The following NDUFAF6 variants were observed in gnomAD, a reference collection of about 807,000 sequenced individuals.
NDUFAF6 encodes NADH dehydrogenase (ubiquinone) complex I, assembly factor 6.
Under a neutral mutation model 40.8 loss-of-function variants are expected in NDUFAF6, and 45 were observed. The ratio of observed to expected loss-of-function variants is 1.10; its 90% CI spans 0.87 to 1.42. The LOEUF is 1.42. Ranked by LOEUF, NDUFAF6 falls within the 40% of genes most tolerant of loss-of-function variation. The pLI is 0.00. For synonymous variants in NDUFAF6, 185 were observed against 155.9 expected (o/e 1.19, Z -1.39); for missense variants, 435 against 418.5 (o/e 1.04, Z -0.34).
chr8:95,045,251 C>T (rs937241766), intron 4 of NDUFAF6, among the ~76,000 whole-genome samples: 1 of 151,904 alleles, frequency 6.6e-6, no homozygotes, highest in African/African-American at 2.4e-5. Flanking sequence ...TGTAAGAGCT[C>T]AGTAAAGTCA....
At chr8:95,096,169 G>C (rs1053422950), upstream of NDUFAF6, among the ~76,000 whole-genome samples, 1 of 152,152 alleles carries the variant, frequency 6.6e-6, no homozygotes, top group Non-Finnish European at 1.5e-5. Context: ...AGGATGCAAG[G>C]GTTCCCTTTA....
intron 2 of NDUFAF6, among the ~76,000 whole-genome samples, chr8:95,088,181 T>C (rs777064826): frequency 6.6e-6 from 1 of 152,150 alleles, no homozygotes; most frequent in Non-Finnish European, 1.5e-5. Flanking sequence ...AAGGACCAGG[T>C]GGCCACCTGG....
At chr8:94,983,069 C>T (rs1352119361) in intron 2 of NDUFAF6, among the ~76,000 whole-genome samples, 1 of 152,098 alleles carries the variant, frequency 6.6e-6, no homozygotes, top group Non-Finnish European at 1.5e-5. Flanking sequence ...GTAAAAATAA[C>T]ACTTTTTGCA....
At position 95,058,038 on chromosome 8, in the gene NDUFAF6, A is replaced by C; in HGVS notation, c.*101A>C. ...GGAAATGACTGTTAAGGAGAAAATG[A>C]ATTTATTGAATGGGATGTCAAGTAG... is the stretch of plus-strand genomic sequence containing the variant. On this transcript the variant is annotated 3_prime_UTR_variant, in exon 9 of 9. Transcript: ENST00000396124. 4 of 1,496,446 alleles carry C rather than the reference A, an allele frequency of 2.7e-6. No individual in the cohort carries two copies. The highest frequency in any genetic ancestry group is 3.6e-6 in the Non-Finnish European group (4 of 1,126,626). 92.7% of individuals were successfully genotyped at this position (1,496,446 alleles called of 1,614,324 possible).
At chr8:95,092,099 T>C (rs1809270294) in intron 2 of NDUFAF6, among the ~76,000 whole-genome samples, 2 of 151,938 alleles carry the variant, frequency 1.3e-5, no homozygotes, top group South Asian at 4.2e-4. Flanking sequence ...GCACTCCGAG[T>C]TTTGAGTCAC....
chr8:95,026,833 A>C (rs1349484176), intron 1 of NDUFAF6, among the ~76,000 whole-genome samples: 1 of 152,184 alleles, frequency 6.6e-6, no homozygotes, highest in Non-Finnish European at 1.5e-5. Context: ...GGGTTGCTTG[A>C]TGCCAGGAGT....
chr8:94,930,245 T>A lies in NDUFAF6; in HGVS notation c.-935-15238T>A, dbSNP rs1025194903. 4 of 537,036 alleles carry A rather than the reference T, an allele frequency of 7.4e-6. No homozygotes were observed. In the Admixed American group the frequency reaches 1.1e-4, roughly 14 times the overall value. 33.3% of individuals were successfully genotyped at this position (537,036 alleles called of 1,614,324 possible). Reference sequence around the variant, plus strand: ...CCCAAACACTGTAATTATATTGATATGTTTCCAGAAATAATCTGAAAAAGT... The same window carrying A: ...CCCAAACACTGTAATTATATTGATAAGTTTCCAGAAATAATCTGAAAAAGT... On this transcript the variant is annotated intron_variant, in intron 1 of 14. Transcript: ENST00000396113.
intron 2 of NDUFAF6, chr8:94,950,196 C>T (rs1417177522): frequency 6.6e-6 from 1 of 152,338 alleles, no homozygotes; most frequent in Non-Finnish European, 1.5e-5. Context: ...AACTTAGCCC[C>T]TCTGTTCTGT....
chr8:94,925,344 C>T (rs1819796446), intron 1 of NDUFAF6, among the ~76,000 whole-genome samples: 1 of 152,128 alleles, frequency 6.6e-6, no homozygotes, highest in African/African-American at 2.4e-5. Flanking sequence ...GCCATATTGT[C>T]CTAAAACACT....
intron 2 of NDUFAF6, among the ~76,000 whole-genome samples, chr8:95,033,044 AT>A (rs1157735087): frequency 6.6e-6 from 1 of 152,138 alleles, no homozygotes; most frequent in African/African-American, 2.4e-5. Flanking sequence ...AATGATTAAA[AT>A]TTAATTTTTT....
chr8:95,058,053 A>T lies in NDUFAF6; in HGVS notation c.*116A>T, dbSNP rs1040090826. ...GGAGAAAATGAATTTATTGAATGGG[A>T]TGTCAAGTAGCTCACAAAATTGAGA... is the stretch of plus-strand genomic sequence containing the variant. On this transcript the variant is annotated 3_prime_UTR_variant, in exon 9 of 9. Coordinates refer to ENST00000396124, the MANE Select transcript of NDUFAF6 (RefSeq NM_152416.4). The T allele has an allele frequency of 3.4e-5, 51 of 1,482,946 alleles. No individual in the cohort carries two copies. Among genetic ancestry groups the T allele is most frequent in the Non-Finnish European group, 4.4e-5 (49 of 1,123,176 alleles). 91.9% of individuals were successfully genotyped at this position (1,482,946 alleles called of 1,614,324 possible).
intron 2 of NDUFAF6, among the ~76,000 whole-genome samples, chr8:95,019,502 A>G (rs897938414): frequency 3.3e-5 from 5 of 152,240 alleles, no homozygotes; most frequent in African/African-American, 1.2e-4. Context: ...CATTAAATCT[A>G]TGGAACATTT....
At chr8:94,950,219 A>G (rs967940797) in intron 2 of NDUFAF6, 6 of 152,302 alleles carry the variant, frequency 3.9e-5, no homozygotes, top group Non-Finnish European at 8.8e-5. Context: ...GCATACCTGC[A>G]AATTGTGGGC....
chr8:94,963,818 G>A (rs1823793226), intron 1 of NDUFAF6, among the ~76,000 whole-genome samples: 1 of 152,352 alleles, frequency 6.6e-6, no homozygotes. Flanking sequence ...GGAGAACAGG[G>A]CAGTAGCTGG....
At chr8:94,946,095 CCTTTT>C (rs923366721) in intron 2 of NDUFAF6, among the ~76,000 whole-genome samples, 2 of 118,446 alleles carry the variant, frequency 1.7e-5, no homozygotes, top group African/African-American at 5.2e-5. Flanking sequence ...CACATTGGTG[CCTTTT>C]CTTCTGTTTT....
intron 3 of NDUFAF6, among the ~76,000 whole-genome samples, chr8:95,039,462 A>T (rs900837111): frequency 6.7e-6 from 1 of 148,420 alleles, no homozygotes; most frequent in African/African-American, 2.6e-5. Flanking sequence ...AAAAAAAAAA[A>T]AGGGGGGGTT....
rs185214752 is a variant in NDUFAF6 at position 95,043,972 on chromosome 8, G to A, written c.478-1573G>A. Among the ~76,000 whole-genome samples the A allele has an allele frequency of 2.5e-3, 384 of 152,218 alleles. 4 individuals carry two copies. Among genetic ancestry groups the A allele is most frequent in the African/African-American group, 8.8e-3 (366 of 41,532 alleles). ...GTAGCAACATTATTCATGAAAGCCC[G>A]AAAGTAGAAAGAACTCATAGTCTGT... On this transcript the variant is annotated intron_variant, in intron 4 of 8. Transcript: ENST00000396124.
intron 5 of NDUFAF6, chr8:95,116,234 A>G (rs1810133566): frequency 1.3e-5 from 2 of 151,972 alleles, no homozygotes; most frequent in Admixed American, 1.3e-4. Context: ...CAGCTGGAAT[A>G]TTCTCAGTTT....
intron 1 of NDUFAF6, among the ~76,000 whole-genome samples, chr8:94,905,564 C>T (rs1818342503): frequency 6.6e-6 from 1 of 152,198 alleles, no homozygotes; most frequent in African/African-American, 2.4e-5. Context: ...CTTCCCTGGT[C>T]CTTCCCCAGC....
Sources: gnomAD v4.1 joint callset for allele counts (sites outside exome capture counted in the v4.1 genomes callset) on GRCh38, gnomAD v4.1.1 for gene constraint, MANE v1.5 for transcripts, NCBI Gene and HGNC (gene_info 2026-07-23, HGNC 2026-07-21) for gene names.